Variants in LUZP2 observed in about 807,000 individuals in gnomAD.
LUZP2 encodes leucine zipper protein 2.
Under a neutral mutation model 51.6 loss-of-function variants are expected in LUZP2, and 52 were observed. The observed-to-expected ratio is 1.01, with a 90% CI of 0.81 to 1.27. The LOEUF (loss-of-function observed/expected upper bound fraction) is 1.27, where lower values mean the gene tolerates loss of function less well. LUZP2 is among the 50% of genes most tolerant of loss of function. The pLI is 0.00. For synonymous variants in LUZP2, 154 were observed against 137.3 expected (o/e 1.12, Z -0.85); for missense variants, 436 against 395.4 (o/e 1.10, Z -0.87).
intron 5 of LUZP2, among the ~76,000 whole-genome samples, chr11:24,857,962 C>A (rs1851621459): frequency 6.6e-6 from 1 of 151,990 alleles, no homozygotes; most frequent in Non-Finnish European, 1.5e-5. Flanking sequence ...ATTTTTTCAG[C>A]CCCTATAATT....
chr11:24,720,665 T>C (rs924464256), intron 1 of LUZP2, among the ~76,000 whole-genome samples: 4 of 150,876 alleles, frequency 2.7e-5, no homozygotes, highest in African/African-American at 9.7e-5. Context: ...TGCTTCAGAG[T>C]ATGGATCAAA....
intron 5 of LUZP2, among the ~76,000 whole-genome samples, chr11:24,830,876 C>T (rs1014648109): frequency 6.6e-6 from 1 of 151,906 alleles, no homozygotes; most frequent in Non-Finnish European, 1.5e-5. Flanking sequence ...CGCCTATAGT[C>T]CCAGCTACTT....
At chr11:24,721,954 T>C (rs1027845125) in intron 1 of LUZP2, among the ~76,000 whole-genome samples, 1 of 152,190 alleles carries the variant, frequency 6.6e-6, no homozygotes, top group Non-Finnish European at 1.5e-5. Context: ...TATTTCAATT[T>C]GATGGATTAA....
At chr11:24,733,827 G>T (rs527738485) in intron 3 of LUZP2, among the ~76,000 whole-genome samples, 1 of 151,586 alleles carries the variant, frequency 6.6e-6, no homozygotes, top group Admixed American at 6.6e-5. Context: ...TCTCAGGTTA[G>T]GAATGGAGAA....
chr11:24,987,126 G>C lies in LUZP2; in HGVS notation c.765+3833G>C, dbSNP rs201586639. On this transcript the variant is annotated intron_variant, in intron 9 of 11. Coordinates refer to ENST00000336930, the MANE Select transcript of LUZP2 (RefSeq NM_001009909.4). ...CACATAAAACATTAGCATATGTTGT[G>C]GTGCCTGACACACATAAAGCAGTCA... Among the ~76,000 whole-genome samples, 8 of 151,930 alleles carry C rather than the reference G, an allele frequency of 5.3e-5. No homozygotes were observed. The East Asian group carries it at 1.2e-3, about 22-fold the overall frequency.
At chr11:24,941,688 T>C (rs948480374) in intron 7 of LUZP2, among the ~76,000 whole-genome samples, 6 of 152,176 alleles carry the variant, frequency 3.9e-5, no homozygotes, top group African/African-American at 7.2e-5. Context: ...CCTCACATGC[T>C]CTGAATCCCC....
intron 4 of LUZP2, among the ~76,000 whole-genome samples, chr11:24,751,121 T>C (rs1486679): frequency 0.65 from 98,228 of 151,962 alleles, 32,133 homozygotes; most frequent in East Asian, 0.88. Context: ...ATATTTATAT[T>C]GTTACTACCA....
At chr11:24,734,632 T>C (rs1441496868) in intron 3 of LUZP2, among the ~76,000 whole-genome samples, 3 of 151,906 alleles carry the variant, frequency 2.0e-5, no homozygotes, top group Non-Finnish European at 4.4e-5. Flanking sequence ...ATATAAGATG[T>C]GATGCATTCG....
chr11:24,535,064 A>G (rs915244650), intron 1 of LUZP2, among the ~76,000 whole-genome samples: 2 of 151,362 alleles, frequency 1.3e-5, no homozygotes, highest in African/African-American at 4.8e-5. Flanking sequence ...TTAATGCTCT[A>G]CTATAGTCTA....
intron 1 of LUZP2, among the ~76,000 whole-genome samples, chr11:24,714,278 C>T (rs1289304310): frequency 6.6e-6 from 1 of 151,868 alleles, no homozygotes; most frequent in East Asian, 1.9e-4. Context: ...CCTGCATGTT[C>T]TCTATCCCAG....
At chr11:24,728,149 A>G (rs1317595275) in intron 1 of LUZP2, among the ~76,000 whole-genome samples, 2 of 152,016 alleles carry the variant, frequency 1.3e-5, no homozygotes, top group Non-Finnish European at 2.9e-5. Context: ...ACAATTTTAC[A>G]ATTGAACTTG....
intron 1 of LUZP2, among the ~76,000 whole-genome samples, chr11:24,597,483 T>C (rs2896708): frequency 0.17 from 26,187 of 152,196 alleles, 2,696 homozygotes; most frequent in Middle Eastern, 0.33. Context: ...GCTGTGGTTT[T>C]AAAGATTGTT....
At chr11:24,764,510 A>T (rs980078502) in intron 5 of LUZP2, among the ~76,000 whole-genome samples, 10 of 146,532 alleles carry the variant, frequency 6.8e-5, no homozygotes, top group African/African-American at 2.6e-4. Context: ...AAAAAAAAAA[A>T]AAAAAATTAG....
At chr11:24,559,274 AAG>A (rs963234669) in intron 1 of LUZP2, among the ~76,000 whole-genome samples, 3 of 152,304 alleles carry the variant, frequency 2.0e-5, no homozygotes, top group South Asian at 2.1e-4. Context: ...TTAAAAACAA[AAG>A]AGAGAGAATG....
At chr11:24,691,036 A>T (rs1011707503) in intron 1 of LUZP2, among the ~76,000 whole-genome samples, 1 of 151,994 alleles carries the variant, frequency 6.6e-6, no homozygotes, top group Non-Finnish European at 1.5e-5. Flanking sequence ...AAACATATAG[A>T]TTCTCTTAAA....
intron 9 of LUZP2, among the ~76,000 whole-genome samples, chr11:25,047,895 T>C (rs982856648): frequency 1.3e-5 from 2 of 152,186 alleles, no homozygotes; most frequent in African/African-American, 4.8e-5. Context: ...CACAGCTCAC[T>C]GCAGCCTAGA....
At chr11:24,631,120 T>G (rs1202409050) in intron 1 of LUZP2, among the ~76,000 whole-genome samples, 3 of 151,982 alleles carry the variant, frequency 2.0e-5, no homozygotes, top group Non-Finnish European at 4.4e-5. Context: ...TTTCTAAATA[T>G]GAGGTCACGT....
chr11:24,636,137 A>G (rs368709482), intron 1 of LUZP2, among the ~76,000 whole-genome samples: 17 of 152,288 alleles, frequency 1.1e-4, no homozygotes, highest in South Asian at 4.1e-4. Context: ...TATTTGTCCA[A>G]TGGAACTACA....
intron 9 of LUZP2, among the ~76,000 whole-genome samples, chr11:25,024,935 T>A (rs557234697): frequency 6.7e-6 from 1 of 150,170 alleles, no homozygotes; most frequent in Non-Finnish European, 1.5e-5. Context: ...ATGGTACTGG[T>A]ACCAAAACAG....
Sources: gnomAD v4.1 joint callset for allele counts (sites outside exome capture counted in the v4.1 genomes callset) on GRCh38, gnomAD v4.1.1 for gene constraint, MANE v1.5 for transcripts, NCBI Gene and HGNC (gene_info 2026-07-23, HGNC 2026-07-21) for gene names.